Variants in TANK observed in about 807,000 individuals in gnomAD.
TANK encodes TRAF family member-associated NF-kappa-B activator.
Under a neutral mutation model 43.6 loss-of-function variants are expected in TANK, and 15 were observed. That is an observed-to-expected ratio of 0.34 (90% CI 0.23 to 0.53). The LOEUF (loss-of-function observed/expected upper bound fraction) is 0.53, where lower values mean the gene tolerates loss of function less well. Ranked by LOEUF, TANK falls within the 20% of genes least tolerant of loss-of-function variation. The pLI is 0.94. For synonymous variants in TANK, 162 were observed against 178.2 expected (o/e 0.91, Z 0.73); for missense variants, 417 against 498.6 (o/e 0.84, Z 1.56).
chr2:161,160,800 G>T lies in TANK; in HGVS notation c.-50+314G>T, dbSNP rs149517077. 1.1e-5 allele frequency: 6 copies of T among 549,368 alleles called. No individual in the cohort carries two copies. The Admixed American group carries it at 1.3e-4, about 12-fold the overall frequency. 34.0% of individuals were successfully genotyped at this position (549,368 alleles called of 1,614,324 possible). ...CGGCTGCTTTGCCCGGGAAATGGGGGTGGAAGGGCCTGCGGTGTCGAGGTG... is the reference window on the plus strand; with the variant it reads ...CGGCTGCTTTGCCCGGGAAATGGGGTTGGAAGGGCCTGCGGTGTCGAGGTG... On this transcript the variant is annotated intron_variant, in intron 1 of 7. Coordinates refer to ENST00000392749, the MANE Select transcript of TANK (RefSeq NM_001199135.3).
At chr2:161,228,718 C>G (rs924392803) in intron 6 of TANK, among the ~76,000 whole-genome samples, 29 of 152,182 alleles carry the variant, frequency 1.9e-4, no homozygotes, top group African/African-American at 6.3e-4. Context: ...CTGACTCACC[C>G]AGAGCAACCT....
At chr2:161,208,623 T>G (rs901956278) in intron 4 of TANK, among the ~76,000 whole-genome samples, 8 of 152,100 alleles carry the variant, frequency 5.3e-5, no homozygotes, top group African/African-American at 1.9e-4. Context: ...CAGGGTCTCT[T>G]ATGTTGAAGT....
intron 1 of TANK, chr2:161,139,839 G>A: frequency 3.0e-6 from 3 of 985,376 alleles, no homozygotes; most frequent in Non-Finnish European, 3.6e-6. Context: ...TGTGCAAAAA[G>A]CCTTCTTCCT....
chr2:161,204,295 T>C (rs1686550467), intron 3 of TANK, among the ~76,000 whole-genome samples: 1 of 152,184 alleles, frequency 6.6e-6, no homozygotes, highest in Non-Finnish European at 1.5e-5. Flanking sequence ...GCTGTCTGCA[T>C]TTTCTAATTT....
At position 161,147,634 on chromosome 2, in the gene TANK, C is replaced by T. The variant is rs561266172; in HGVS notation, c.-50+10571C>T. ...GGTCTTCCTTCCTCTCCGAGGGTCA[C>T]GCCAGCTGCCTGGTCAGTTCTGATG... On this transcript the variant is annotated intron_variant, in intron 1 of 7. Transcript: ENST00000259075. 6.0e-4 allele frequency among the ~76,000 whole-genome samples: 92 copies of T among 152,160 alleles called. 1 individual carries two copies. Among genetic ancestry groups the T allele is most frequent in the Admixed American group, 1.6e-3 (24 of 15,300 alleles).
chr2:161,202,778 A>G (rs1356776226), intron 2 of TANK: 5 of 422,972 alleles, frequency 1.2e-5, no homozygotes, highest in Non-Finnish European at 2.4e-5. Flanking sequence ...TTGTGATACA[A>G]CAGTTTCAAA....
chr2:161,159,456 A>C (rs1043200061), upstream of TANK, among the ~76,000 whole-genome samples: 1 of 152,238 alleles, frequency 6.6e-6, no homozygotes, highest in Non-Finnish European at 1.5e-5. Flanking sequence ...TACTTATTAC[A>C]AGAAAACTAT....
intron 4 of TANK, 39 bp downstream of exon 4, chr2:161,204,832 G>A (rs1473919397): frequency 6.3e-7 from 1 of 1,593,228 alleles, no homozygotes; most frequent in South Asian, 1.1e-5. Context: ...TTTAAATGCT[G>A]ATGCGTGACA....
chr2:161,178,358 A>G (rs1293640886), intron 1 of TANK, among the ~76,000 whole-genome samples: 4 of 152,156 alleles, frequency 2.6e-5, no homozygotes, highest in Non-Finnish European at 4.4e-5. Flanking sequence ...ATGCTACATC[A>G]TGGATGAACC....
At chr2:161,211,688 GC>G (rs775054508) in intron 4 of TANK, 33 of 869,112 alleles carry the variant, frequency 3.8e-5, no homozygotes, top group Non-Finnish European at 4.6e-5. Context: ...TTAAAAATTT[GC>G]CCCTGAATTC....
At chr2:161,230,777 G>T (rs1342704317) in intron 6 of TANK, among the ~76,000 whole-genome samples, 194 bp from the exon 7 acceptor site, 2 of 152,190 alleles carry the variant, frequency 1.3e-5, no homozygotes, top group African/African-American at 4.8e-5. Flanking sequence ...CGACTAATAA[G>T]CTATGTTTCA....
chr2:161,160,898 C>A, intron 1 of TANK: 1 of 443,166 alleles, frequency 2.3e-6, no homozygotes. Flanking sequence ...CAAGTAGTAT[C>A]GTGGTTACTC....
At chr2:161,177,128 A>G (rs1030347288) in intron 1 of TANK, among the ~76,000 whole-genome samples, 2 of 152,140 alleles carry the variant, frequency 1.3e-5, no homozygotes, top group Non-Finnish European at 2.9e-5. Flanking sequence ...TGTCTGGGCC[A>G]AGATCCTAGC....
At chr2:161,216,041 C>T (rs565557316) in intron 4 of TANK, among the ~76,000 whole-genome samples, 4 of 152,152 alleles carry the variant, frequency 2.6e-5, no homozygotes, top group South Asian at 2.1e-4. Flanking sequence ...AATTCTAAGA[C>T]GAGCATCTTT....
At chr2:161,198,448 C>T (rs1033733787) in intron 2 of TANK, among the ~76,000 whole-genome samples, 16 of 152,188 alleles carry the variant, frequency 1.1e-4, no homozygotes, top group Admixed American at 3.9e-4. Context: ...GGAGTTGCAC[C>T]CTGGTGGCTC....
chr2:161,178,782 G>A (rs183826419), intron 1 of TANK, among the ~76,000 whole-genome samples: 3 of 152,150 alleles, frequency 2.0e-5, no homozygotes, highest in Admixed American at 6.5e-5. Context: ...GAAATAACTC[G>A]GTACCCAATA....
At chr2:161,222,097 A>G (rs1050323001) in intron 4 of TANK, among the ~76,000 whole-genome samples, 20 of 152,094 alleles carry the variant, frequency 1.3e-4, no homozygotes, top group Admixed American at 3.3e-4. Flanking sequence ...AGCCCTCTTC[A>G]TCCCCATTAG....
intron 7 of TANK, chr2:161,232,825 T>A: frequency 6.4e-7 from 1 of 1,550,628 alleles, no homozygotes; most frequent in Non-Finnish European, 8.7e-7. Flanking sequence ...TGATTACAAC[T>A]TGATGGAAAA....
At chr2:161,158,199 C>T (rs563293470), upstream of TANK, among the ~76,000 whole-genome samples, 1 of 152,192 alleles carries the variant, frequency 6.6e-6, no homozygotes, top group Non-Finnish European at 1.5e-5. Context: ...TTTCATGCCA[C>T]CATACCCAAC....
Sources: allele counts gnomAD v4.1 joint callset (sites outside exome capture counted in the v4.1 genomes callset), GRCh38; gene constraint gnomAD v4.1.1; transcripts MANE v1.5; gene names NCBI Gene and HGNC (gene_info 2026-07-23, HGNC 2026-07-21).